The following CD86 variants were observed in gnomAD, a reference collection of about 807,000 sequenced individuals.
CD86 encodes the protein T-lymphocyte activation antigen CD86.
In CD86, 11 loss-of-function variants were observed where a neutral mutation model predicts 32.1. The ratio of observed to expected loss-of-function variants is 0.34; its 90% CI spans 0.22 to 0.57. CD86 has a LOEUF of 0.57. CD86 is among the 20% of genes least tolerant of loss of function. The pLI, the probability that CD86 is intolerant of heterozygous loss-of-function variation, is 0.86. For synonymous variants in CD86, 137 were observed against 135.3 expected (o/e 1.01, Z -0.09); for missense variants, 359 against 398.4 (o/e 0.90, Z 0.84).
intron 5 of CD86, among the ~76,000 whole-genome samples, chr3:122,116,197 C>T (rs919251580): frequency 3.3e-5 from 5 of 152,162 alleles, no homozygotes; most frequent in East Asian, 1.9e-4. Flanking sequence ...GTTTAAAAAA[C>T]GAAAAGTCAA....
intron 1 of CD86, among the ~76,000 whole-genome samples, chr3:122,081,070 TATTA>T (rs1237256321): frequency 1.3e-5 from 2 of 152,228 alleles, no homozygotes; most frequent in Non-Finnish European, 2.9e-5. Context: ...GCTCCCAAAC[TATTA>T]ATTCCAAACT....
rs56759758 is a variant in CD86, at chr3:122,106,840, GCACA to G, written c.703+368_703+371del. On this transcript the variant is annotated intron_variant, in intron 4 of 6. Transcript: ENST00000330540. ...TTGATTACAACACATACATGCGCTTGCACACACACACACACACACACACACACAC... is the reference window on the plus strand; with the variant it reads ...TTGATTACAACACATACATGCGCTTGCACACACACACACACACACACACAC... Among the ~76,000 whole-genome samples the G allele has an allele frequency of 9.8e-4, 141 of 143,572 alleles. 1 individual carries two copies. The South Asian group carries it at 0.013, about 13-fold the overall frequency. The allele number at this position is 143,572 out of a possible 152,430, so 94.2% of individuals were successfully genotyped here.
At chr3:122,098,989 A>G (rs573978899) in intron 2 of CD86, among the ~76,000 whole-genome samples, 6 of 152,322 alleles carry the variant, frequency 3.9e-5, no homozygotes, top group African/African-American at 1.4e-4. Flanking sequence ...GAAGTTGAAT[A>G]CAGGTATCTG....
At chr3:122,110,316 A>G (rs2073153354) in intron 5 of CD86, among the ~76,000 whole-genome samples, 4 of 152,196 alleles carry the variant, frequency 2.6e-5, no homozygotes, top group Admixed American at 2.6e-4. Flanking sequence ...AAAATGTTTC[A>G]TGGGGACAAA....
At chr3:122,104,918 C>T (rs1235400073) in intron 3 of CD86, among the ~76,000 whole-genome samples, 1 of 152,078 alleles carries the variant, frequency 6.6e-6, no homozygotes, top group Non-Finnish European at 1.5e-5. Context: ...CATAAGTTCT[C>T]AGTTCTCTAG....
rs779323336 is a variant in CD86, at chr3:122,086,563, C to T, written c.15-5038C>T. The T allele has an allele frequency of 2.5e-5, 12 of 476,170 alleles. 1 individual carries two copies. The Admixed American group carries it at 2.6e-4, about 10-fold the overall frequency. The allele number at this position is 476,170 out of a possible 1,614,324, so 29.5% of individuals were successfully genotyped here. ...TTCTAGATATGGCTTAGATGGTCCA[C>T]AGTAGTGTGCACCTGAAGCCTAAAT... is the stretch of plus-strand genomic sequence containing the variant. On this transcript the variant is annotated intron_variant, in intron 1 of 6. Transcript: ENST00000330540.
At chr3:122,103,214 C>T (rs1299238671) in intron 2 of CD86, among the ~76,000 whole-genome samples, 2 of 151,796 alleles carry the variant, frequency 1.3e-5, no homozygotes, top group Non-Finnish European at 2.9e-5. Flanking sequence ...TTCACAGAAC[C>T]ACAGTACTAG....
At chr3:122,097,624 T>C (rs2072928247) in intron 2 of CD86, among the ~76,000 whole-genome samples, 3 of 152,016 alleles carry the variant, frequency 2.0e-5, no homozygotes, top group African/African-American at 7.2e-5. Context: ...TTTATGGACC[T>C]GGGGGTGGAG....
chr3:122,119,411 A>G (rs1318896606), intron 6 of CD86, 27 bp from the exon 7 acceptor site: 1 of 1,327,486 alleles, frequency 7.5e-7, no homozygotes, highest in Admixed American at 1.7e-5. Flanking sequence ...GTGAAATATC[A>G]CCTAATCTTT....
intron 2 of CD86, among the ~76,000 whole-genome samples, chr3:122,096,379 A>G (rs1370998794): frequency 6.6e-6 from 1 of 152,100 alleles, no homozygotes; most frequent in East Asian, 1.9e-4. Flanking sequence ...TTTATGTTTT[A>G]TAATTTCTTG....
chr3:122,105,428 T>C (rs956525269), intron 3 of CD86, among the ~76,000 whole-genome samples: 2 of 152,162 alleles, frequency 1.3e-5, no homozygotes, highest in African/African-American at 4.8e-5. Context: ...AATTAGTTTG[T>C]AGAACCTGCA....
intron 1 of CD86, among the ~76,000 whole-genome samples, chr3:122,083,172 G>A (rs1343521111): frequency 6.6e-6 from 1 of 152,062 alleles, no homozygotes; most frequent in Non-Finnish European, 1.5e-5. Context: ...CATCTGTCCT[G>A]GCTTCCCTAT....
chr3:122,055,574 A>T (rs2072221429), intron 1 of CD86, 71 bp downstream of exon 1: 3 of 1,415,990 alleles, frequency 2.1e-6, no homozygotes, highest in Non-Finnish European at 3.0e-6. Context: ...GAGGTTGAAG[A>T]TGGTGCTTTG....
chr3:122,073,988 A>G lies in CD86; in HGVS notation c.15-17613A>G, dbSNP rs1446608928. On this transcript the variant is annotated intron_variant, in intron 1 of 6. Coordinates refer to ENST00000330540, the MANE Select transcript of CD86 (RefSeq NM_175862.5). The stretch of plus-strand genomic sequence containing the variant: ...TCCTGCAGCCCAGTCAGAATTCAAG[A>G]AGTTCACCTGGTAACTGGAAAATGA... 3.3e-5 allele frequency among the ~76,000 whole-genome samples: 5 copies of G among 152,154 alleles called. No homozygotes were observed. In the East Asian group the frequency reaches 5.8e-4, roughly 18 times the overall value.
chr3:122,117,877 A>T (rs2073278090), intron 5 of CD86, among the ~76,000 whole-genome samples, 171 bp from the exon 6 acceptor site: 1 of 152,222 alleles, frequency 6.6e-6, no homozygotes, highest in African/African-American at 2.4e-5. Context: ...GAATGCAAGA[A>T]ACTTCTTCCC....
At chr3:122,096,840 G>A (rs1271936554) in intron 2 of CD86, among the ~76,000 whole-genome samples, 2 of 152,292 alleles carry the variant, frequency 1.3e-5, no homozygotes, top group East Asian at 1.9e-4. Flanking sequence ...TTGTATGGAT[G>A]TATCATTATT....
rs72402574 is a variant in CD86, at chr3:122,101,495, GAAAAAAA to G, written c.65-2004_65-1998del. Among the ~76,000 whole-genome samples the G allele has an allele frequency of 3.4e-4, 18 of 53,370 alleles. 1 individual carries two copies. Among genetic ancestry groups the G allele is most frequent in the African/African-American group, 5.2e-4 (8 of 15,364 alleles). 35.0% of individuals were successfully genotyped at this position (53,370 alleles called of 152,430 possible). On this transcript the variant is annotated intron_variant, in intron 2 of 6. Transcript: ENST00000330540. ...AAAGAAGATACTGTGAGGCTCTACA[GAAAAAAA>G]AAAAAAAAAAAATATATATATATAT...
chr3:122,074,057 A>T (rs776585742), intron 1 of CD86, among the ~76,000 whole-genome samples: 7 of 152,132 alleles, frequency 4.6e-5, no homozygotes, highest in Non-Finnish European at 8.8e-5. Context: ...TGCCATTGGC[A>T]CCCTTACTAT....
chr3:122,087,230 C>T (rs2072737788), intron 1 of CD86, among the ~76,000 whole-genome samples: 1 of 152,156 alleles, frequency 6.6e-6, no homozygotes, highest in Admixed American at 6.5e-5. Flanking sequence ...CTAGTTCACC[C>T]ACCTTATTCA....
Sources: allele counts gnomAD v4.1 joint callset (sites outside exome capture counted in the v4.1 genomes callset), GRCh38; gene constraint gnomAD v4.1.1; transcripts MANE v1.5; gene names NCBI Gene and HGNC (gene_info 2026-07-23, HGNC 2026-07-21).